Variants in SUPT5H observed in about 807,000 individuals in gnomAD.
SUPT5H encodes the protein SPT5 homolog, DSIF elongation factor subunit, also known as transcription elongation factor SPT5.
SUPT5H carries 24 observed loss-of-function variants against 142.5 expected under a neutral mutation model. The ratio of observed to expected loss-of-function variants is 0.17; its 90% confidence interval spans 0.12 to 0.24. The LOEUF is 0.24. Ranked by LOEUF, SUPT5H falls within the 10% of genes least tolerant of loss-of-function variation. SUPT5H has a pLI of 1.00. For missense variants in SUPT5H, 893 were observed against 1,471.8 expected (o/e 0.61, Z 6.43); for synonymous variants, 546 against 553.0 (o/e 0.99, Z 0.18).
intron 2 of SUPT5H, 30 bp from the exon 3 acceptor site, chr19:39,453,326 T>G (rs766969463): frequency 4.5e-6 from 7 of 1,557,586 alleles, no homozygotes; most frequent in South Asian, 2.3e-5. Context: ...AGCAGAATTC[T>G]GGTGCTACAA....
At position 39,459,551 on chromosome 19, in the gene SUPT5H, C is replaced by T; in HGVS notation, c.525-8C>T. ...CACTGAAGGCCTTCCTTTTCCTCTGCTGCTTAGGGATCCCAATCTGTGGAC... is the reference window on the plus strand; with the variant it reads ...CACTGAAGGCCTTCCTTTTCCTCTGTTGCTTAGGGATCCCAATCTGTGGAC... On this transcript the variant is annotated splice_polypyrimidine_tract_variant and splice_region_variant and intron_variant, in intron 8 of 29. Transcript: ENST00000432763. 6.2e-7 allele frequency: 1 copy of T among 1,613,874 alleles called. No homozygotes were observed. Among genetic ancestry groups the T allele is most frequent in the South Asian group, 1.1e-5 (1 of 91,066 alleles).
Position 39,473,000 on chromosome 19 carries a change from G to A in SUPT5H, c.2156-12G>A. The A allele has an allele frequency of 5.6e-6, 9 of 1,613,208 alleles. No individual in the cohort carries two copies. The highest frequency in any genetic ancestry group is 6.8e-6 in the Non-Finnish European group (8 of 1,179,392). Reference sequence around the variant, plus strand: ...GAGAGCCTGCCCAGCCTGACCTCCTGTCCCCCTGCAGGCTACATCGGTGTG... The same window carrying A: ...GAGAGCCTGCCCAGCCTGACCTCCTATCCCCCTGCAGGCTACATCGGTGTG... On this transcript the variant is annotated splice_polypyrimidine_tract_variant and intron_variant, in intron 22 of 29. Transcript: ENST00000432763. The surrounding 1 kb of genome is among the most constrained non-coding windows in gnomAD (Gnocchi z 4.2).
Position 39,469,017 on chromosome 19 carries a change from G to T in SUPT5H, c.1144-62G>T, listed in dbSNP as rs561439931. On this transcript the variant is annotated intron_variant, in intron 14 of 29. Coordinates refer to ENST00000432763, the MANE Select transcript of SUPT5H (RefSeq NM_001111020.3). This position sits in a 1 kb window ranked among gnomAD's most constrained non-coding sequence, Gnocchi z 5.1. ...CCCTAGGACCCACTCAGCCCACTCA[G>T]CTGGGCTGTTGCACTGACCTCGGTC... 1.4e-5 allele frequency: 23 copies of T among 1,592,544 alleles called. No individual in the cohort carries two copies. In the African/African-American group the frequency reaches 2.8e-4, roughly 19 times the overall value.
chr19:39,471,368 G>A lies in SUPT5H; in HGVS notation c.1689G>A (p.Met563Ile). 4 of 1,614,200 alleles carry A rather than the reference G, an allele frequency of 2.5e-6. No homozygotes were observed. Among genetic ancestry groups the A allele is most frequent in the Non-Finnish European group, 2.5e-6 (3 of 1,180,036 alleles). Reference protein sequence around the residue: ...LERETFQVLNMYGKVVTVRHQ... With the variant: ...LERETFQVLNIYGKVVTVRHQ... ...CTCTCCCTCTGTAGGTGCTGAACAT[G>A]TACGGGAAGGTGGTGACTGTCAGAC... is the stretch of plus-strand genomic sequence containing the variant. The change falls in exon 19 of 30, where the codon ATG becomes ATA. Residue 563 changes from methionine to isoleucine, a missense_variant. Met to Ile is a conservative substitution (Grantham distance 10). Coordinates refer to ENST00000432763, the MANE Select transcript of SUPT5H (RefSeq NM_001111020.3).
chr19:39,457,540 T>C, intron 3 of SUPT5H, 135 bp from the exon 4 acceptor site: 1 of 1,473,168 alleles, frequency 6.8e-7, no homozygotes, highest in Non-Finnish European at 9.1e-7. Flanking sequence ...GACGAGTGCC[T>C]CCCTGTTGGA....
chr19:39,447,927 A>G (rs960483361), intron 2 of SUPT5H, among the ~76,000 whole-genome samples: 2 of 152,214 alleles, frequency 1.3e-5, no homozygotes, highest in Non-Finnish European at 2.9e-5. Context: ...AGAAACTTAA[A>G]TTGGCTGTTA....
At chr19:39,464,717 G>C in intron 10 of SUPT5H, 81 bp from the exon 11 acceptor site, 1 of 1,502,438 alleles carries the variant, frequency 6.7e-7, no homozygotes, top group African/African-American at 1.4e-5. Flanking sequence ...CCTAGAAGAG[G>C]GACTGCTGAT....
At position 39,469,247 on chromosome 19, in the gene SUPT5H, C is replaced by G. The variant is rs200179073; in HGVS notation, c.1238-15C>G. The stretch of plus-strand genomic sequence containing the variant: ...GGTGGCAACCCCCGAGTCAGCCCTA[C>G]GACTGCCCCTGCAGGGAAGGAGCGG... On this transcript the variant is annotated splice_polypyrimidine_tract_variant and intron_variant, in intron 15 of 29. Coordinates refer to ENST00000432763, the MANE Select transcript of SUPT5H (RefSeq NM_001111020.3). This position sits in a 1 kb window ranked among gnomAD's most constrained non-coding sequence, Gnocchi z 5.1. The G allele has an allele frequency of 6.2e-7, 1 of 1,614,196 alleles. No individual in the cohort carries two copies. Among genetic ancestry groups the G allele is most frequent in the South Asian group, 1.1e-5 (1 of 91,084 alleles).
intron 10 of SUPT5H, among the ~76,000 whole-genome samples, chr19:39,462,687 C>A (rs1412867002): frequency 7.1e-6 from 1 of 141,822 alleles, no homozygotes; most frequent in East Asian, 2.1e-4. Context: ...CCCGACACCA[C>A]GCCTGGCTAA....
chr19:39,455,694 C>G (rs1001802117), intron 3 of SUPT5H, among the ~76,000 whole-genome samples: 1 of 150,664 alleles, frequency 6.6e-6, no homozygotes, highest in African/African-American at 2.4e-5. Flanking sequence ...GCAATCTCAG[C>G]TCACTGCAAC....
Position 39,458,038 on chromosome 19 carries a change from C to A in SUPT5H, c.308-256C>A. 1 of 729,424 alleles carries A rather than the reference C, an allele frequency of 1.4e-6. No homozygotes were observed. Among genetic ancestry groups the A allele is most frequent in the Non-Finnish European group, 2.2e-6 (1 of 447,408 alleles). 45.2% of individuals were successfully genotyped at this position (729,424 alleles called of 1,614,324 possible). ...GAGCTCTGTCCCAAGATACCCCCCA[C>A]TTCCTGGGCCAGTGCCCCCCTTTCC... On this transcript the variant is annotated intron_variant, in intron 4 of 29. Transcript: ENST00000432763. The surrounding 1 kb of genome is among the most constrained non-coding windows in gnomAD (Gnocchi z 4.2).
At chr19:39,449,373 C>G (rs929068518) in intron 2 of SUPT5H, among the ~76,000 whole-genome samples, 1 of 152,102 alleles carries the variant, frequency 6.6e-6, no homozygotes, top group Non-Finnish European at 1.5e-5. Context: ...GTGGTCCTGT[C>G]ATAGTTTGGG....
chr19:39,465,812 G>A (rs2146110458), intron 11 of SUPT5H, among the ~76,000 whole-genome samples: 1 of 152,316 alleles, frequency 6.6e-6, no homozygotes, highest in African/African-American at 2.4e-5. Flanking sequence ...AGATGGCAGT[G>A]CTGGTGGGAT....
In SUPT5H at chr19:39,468,881, GT is replaced by G; in HGVS notation, c.1143+22del. 6.2e-7 allele frequency: 1 copy of G among 1,610,784 alleles called. No individual in the cohort carries two copies. ...GCTGTGGTGAGGGTCCCAGAGGGGT[GT>G]TGGTAATGGGGGTGGTGTGAGTGTT... On this transcript the variant is annotated intron_variant, in intron 14 of 29. Transcript: ENST00000432763.
chr19:39,457,392 C>A (rs1214859631), intron 3 of SUPT5H, among the ~76,000 whole-genome samples: 1 of 152,150 alleles, frequency 6.6e-6, no homozygotes, highest in Non-Finnish European at 1.5e-5. Flanking sequence ...GGGAACTTTT[C>A]TTTTTGCTTA....
chr19:39,450,874 C>A (rs1272336569), intron 2 of SUPT5H, among the ~76,000 whole-genome samples: 1 of 152,116 alleles, frequency 6.6e-6, no homozygotes, highest in Non-Finnish European at 1.5e-5. Context: ...AGGCTTAGAG[C>A]CTGCAGCAGG....
rs371387179 is a variant in SUPT5H, at chr19:39,466,116, G to C, written c.877-364G>C. 1.4e-4 allele frequency among the ~76,000 whole-genome samples: 22 copies of C among 152,272 alleles called. No homozygotes were observed. The East Asian group carries it at 3.1e-3, about 21-fold the overall frequency. The stretch of plus-strand genomic sequence containing the variant: ...GGCAGAGCTGATGGAATTTGCCAAC[G>C]GGTCGGGTGTGGGTGTAAGAGAAAC... On this transcript the variant is annotated intron_variant, in intron 11 of 29. Transcript: ENST00000432763. The surrounding 1 kb of genome is among the most constrained non-coding windows in gnomAD (Gnocchi z 4.3).
intron 2 of SUPT5H, among the ~76,000 whole-genome samples, chr19:39,448,130 C>T (rs1230725104): frequency 6.6e-6 from 1 of 152,190 alleles, no homozygotes; most frequent in East Asian, 1.9e-4. Flanking sequence ...TGCCATTTGT[C>T]CTCTTGCTTG....
In SUPT5H at chr19:39,471,591, C is replaced by T. The variant is rs1242650379; in HGVS notation, c.1825-14C>T. 6.2e-7 allele frequency: 1 copy of T among 1,613,994 alleles called. No homozygotes were observed. Among genetic ancestry groups the T allele is most frequent in the African/African-American group, 1.3e-5 (1 of 74,954 alleles). On this transcript the variant is annotated splice_polypyrimidine_tract_variant and intron_variant, in intron 19 of 29. Coordinates refer to ENST00000432763, the MANE Select transcript of SUPT5H (RefSeq NM_001111020.3). ...GGACATGGTCAAGAGAGTGACCCTT[C>T]TCTCCCCGGCTAGGGCCGAGAAGGG...
Sources: gnomAD v4.1 joint callset for allele counts (sites outside exome capture counted in the v4.1 genomes callset) on GRCh38, gnomAD v4.1.1 for gene constraint, Gnocchi (gnomAD v3.1) non-coding constraint, MANE v1.5 for transcripts, NCBI Gene and HGNC (gene_info 2026-07-23, HGNC 2026-07-21) for gene names.